The following DAB1 variants were observed in gnomAD, a reference collection of about 807,000 sequenced individuals.
The protein encoded by DAB1 is disabled homolog 1.
A neutral mutation model predicts 64.6 loss-of-function variants in DAB1; 15 were observed. That is an observed-to-expected ratio of 0.23 (90% CI 0.16 to 0.36). The LOEUF is 0.36. DAB1 is among the 10% of genes least tolerant of loss of function. The pLI is 1.00. For missense variants in DAB1, 596 were observed against 706.7 expected, an observed-to-expected ratio of 0.84 and a Z score of 1.78; for synonymous variants, 235 against 251.9, an observed-to-expected ratio of 0.93 and a Z score of 0.64.
chr1:57,379,965 A>G (rs1301336672), intron 1 of DAB1, among the ~76,000 whole-genome samples: 1 of 152,354 alleles, frequency 6.6e-6, no homozygotes, highest in South Asian at 2.1e-4. Flanking sequence ...ATGTGAATCC[A>G]CGTGAAGCTC....
intron 7 of DAB1, among the ~76,000 whole-genome samples, chr1:57,558,785 A>C (rs1456959314): frequency 6.6e-6 from 1 of 152,132 alleles, no homozygotes. Flanking sequence ...GAAATACCTG[A>C]TCTCCCTTAG....
intron 6 of DAB1, among the ~76,000 whole-genome samples, chr1:57,764,989 TG>T (rs1195573245): frequency 6.6e-6 from 1 of 152,224 alleles, no homozygotes; most frequent in Non-Finnish European, 1.5e-5. Context: ...TATCCAGGAA[TG>T]TAACAATATT....
chr1:57,003,607 A>G (rs1645953380), intron 14 of DAB1, among the ~76,000 whole-genome samples: 1 of 152,094 alleles, frequency 6.6e-6, no homozygotes, highest in Non-Finnish European at 1.5e-5. Context: ...TTACATTCAC[A>G]ATGTTGTGCA....
Position 57,439,418 on chromosome 1 carries a change from GTTTTTTCT to G in DAB1, n.626-148260_626-148253del, listed in dbSNP as rs1265583012. Among the ~76,000 whole-genome samples the G allele has an allele frequency of 8.9e-3, 1,029 of 115,998 alleles. 83 individuals carry two copies. Among genetic ancestry groups the G allele is most frequent in the African/African-American group, 0.03 (838 of 28,164 alleles). The allele number at this position is 115,998 out of a possible 152,430, so 76.1% of individuals were successfully genotyped here. The stretch of plus-strand genomic sequence containing the variant: ...GCCATGCCATCAACTTGGTGATGAG[GTTTTTTCT>G]TTTTTTTTTTTTTTTTTTTTTGAGA... On this transcript the variant is annotated intron_variant and non_coding_transcript_variant, in intron 7 of 20. Coordinates refer to the DAB1 transcript ENST00000485760.
chr1:57,694,507 T>C (rs545132613), intron 6 of DAB1, among the ~76,000 whole-genome samples: 13 of 152,192 alleles, frequency 8.5e-5, no homozygotes, highest in Admixed American at 7.9e-4. Flanking sequence ...TTTAGAGATA[T>C]AGAGGTAACC....
intron 3 of DAB1, among the ~76,000 whole-genome samples, chr1:58,467,768 T>A (rs1431833454): frequency 6.6e-6 from 1 of 152,222 alleles, no homozygotes; most frequent in Non-Finnish European, 1.5e-5. Flanking sequence ...TATGAAATAC[T>A]TCAGGCATAT....
intron 1 of DAB1, among the ~76,000 whole-genome samples, chr1:57,408,718 C>G (rs765168303): frequency 5.3e-5 from 8 of 152,182 alleles, no homozygotes; most frequent in Non-Finnish European, 8.8e-5. Context: ...CAGCAAGTGT[C>G]TCCCTTCATT....
At chr1:57,838,071 C>G (rs1652890970) in intron 1 of DAB1, among the ~76,000 whole-genome samples, 1 of 152,152 alleles carries the variant, frequency 6.6e-6, no homozygotes, top group African/African-American at 2.4e-5. Flanking sequence ...TGTCACATAT[C>G]TGGGTTTGAA....
At chr1:58,063,532 G>A (rs1235833860) in intron 5 of DAB1, among the ~76,000 whole-genome samples, 1 of 152,158 alleles carries the variant, frequency 6.6e-6, no homozygotes, top group African/African-American at 2.4e-5. Context: ...GGAGTAGAAA[G>A]AGTGTCTATT....
chr1:58,158,682 G>C (rs1206364836), intron 4 of DAB1, among the ~76,000 whole-genome samples: 4 of 152,210 alleles, frequency 2.6e-5, no homozygotes, highest in African/African-American at 9.6e-5. Context: ...CAGTCAGACA[G>C]AGGTCTGTCT....
Position 57,313,711 on chromosome 1 carries a change from G to A in DAB1, c.-136-22545C>T, listed in dbSNP as rs140309596. Among the ~76,000 whole-genome samples the A allele has an allele frequency of 9.8e-4, 149 of 152,302 alleles. No individual in the cohort carries two copies. The East Asian group carries it at 0.025, about 26-fold the overall frequency. ...AACATTATATTACGTTTATTATTCA[G>A]AAAATGTAATTTAGCCATTTCCATA... On this transcript the variant is annotated intron_variant, in intron 1 of 14. Coordinates refer to ENST00000371236, the MANE Select transcript of DAB1 (RefSeq NM_001365792.1).
At chr1:58,103,624 G>A (rs779567292) in intron 5 of DAB1, among the ~76,000 whole-genome samples, 3 of 152,142 alleles carry the variant, frequency 2.0e-5, no homozygotes, top group South Asian at 2.1e-4. Context: ...TTGATAATGC[G>A]TTCATTCTGA....
At chr1:57,681,937 TAA>T (rs998525207) in intron 6 of DAB1, among the ~76,000 whole-genome samples, 4 of 152,086 alleles carry the variant, frequency 2.6e-5, no homozygotes, top group African/African-American at 9.7e-5. Flanking sequence ...TCTGCCCCAG[TAA>T]AGTCCCTGCT....
intron 6 of DAB1, among the ~76,000 whole-genome samples, chr1:57,671,660 C>T (rs1417431736): frequency 1.3e-5 from 2 of 152,018 alleles, no homozygotes; most frequent in African/African-American, 4.8e-5. Flanking sequence ...TGCACCTTTG[C>T]TCATGCTCCC....
Position 57,724,715 on chromosome 1 carries a change from A to T in DAB1, n.552-75050T>A, listed in dbSNP as rs187203501. On this transcript the variant is annotated intron_variant and non_coding_transcript_variant, in intron 6 of 20. Coordinates refer to the DAB1 transcript ENST00000485760. ...TCCTAAGAACTTCTGCCATGAGCAG[A>T]CCTCTCTGAGAATGCAGCCCAGCCT... Among the ~76,000 whole-genome samples, 1,342 of 152,058 alleles carry T rather than the reference A, an allele frequency of 8.8e-3. 19 individuals are homozygous for T. The highest frequency in any genetic ancestry group is 0.03 in the African/African-American group (1,250 of 41,444).
intron 6 of DAB1, among the ~76,000 whole-genome samples, chr1:57,793,250 T>C (rs911322016): frequency 6.6e-6 from 1 of 152,196 alleles, no homozygotes; most frequent in Non-Finnish European, 1.5e-5. Context: ...AAGAGTTTTC[T>C]CTATTACCTT....
intron 7 of DAB1, among the ~76,000 whole-genome samples, chr1:57,487,253 G>A (rs1444246025): frequency 6.6e-6 from 1 of 152,226 alleles, no homozygotes; most frequent in Non-Finnish European, 1.5e-5. Context: ...GAGGCCCACA[G>A]TGAGCCCTCA....
intron 4 of DAB1, among the ~76,000 whole-genome samples, chr1:58,222,306 T>C (rs955595858): frequency 6.6e-6 from 1 of 152,188 alleles, no homozygotes; most frequent in Non-Finnish European, 1.5e-5. Context: ...GGGTAATTTT[T>C]ACATGACTCT....
chr1:57,753,941 C>T (rs985566873), intron 6 of DAB1, among the ~76,000 whole-genome samples: 9 of 152,126 alleles, frequency 5.9e-5, no homozygotes, highest in Non-Finnish European at 1.0e-4. Context: ...GTTTCAGAAT[C>T]GCAGAGATAC....
Sources: gnomAD v4.1 joint callset for allele counts (sites outside exome capture counted in the v4.1 genomes callset) on GRCh38, gnomAD v4.1.1 for gene constraint, MANE v1.5 for transcripts, NCBI Gene and HGNC (gene_info 2026-07-23, HGNC 2026-07-21) for gene names.